MICAL1: variants seen among roughly 807,000 people sequenced by gnomAD.
MICAL1 encodes [F-actin]-monooxygenase MICAL1.
Under a neutral mutation model 131.8 loss-of-function variants are expected in MICAL1, and 95 were observed. The observed-to-expected ratio is 0.72, with a 90% CI of 0.61 to 0.86. MICAL1 has a LOEUF of 0.86. MICAL1 is among the 40% of genes least tolerant of loss of function. MICAL1 has a pLI of 0.00. For missense variants in MICAL1, 1,292 were observed against 1,380.6 expected (o/e 0.94, Z 1.02); for synonymous variants, 546 against 554.2 (o/e 0.99, Z 0.21).
In MICAL1 at chr6:109,449,874, C is replaced by T. The variant is rs1022169504; in HGVS notation, c.1308-91G>A. 8 of 1,585,512 alleles carry T rather than the reference C, an allele frequency of 5.0e-6. No individual in the cohort carries two copies. The African/African-American group carries it at 8.1e-5, about 16-fold the overall frequency. On this transcript the variant is annotated intron_variant, in intron 9 of 24. Transcript: ENST00000358807. ...GGAACTGCCAGGCCTTTTCTTCTGC[C>T]TATTCCTCCGTCTATTCACTCAGCA...
rs1489440035 is a variant in MICAL1 at position 109,445,868 on chromosome 6, A to G, written c.2582-6T>C. The G allele has an allele frequency of 1.3e-6, 2 of 1,596,974 alleles. No individual in the cohort carries two copies. Among genetic ancestry groups the G allele is most frequent in the Non-Finnish European group, 1.7e-6 (2 of 1,170,788 alleles). On this transcript the variant is annotated splice_region_variant and splice_polypyrimidine_tract_variant and intron_variant, in intron 19 of 24. Coordinates refer to ENST00000358807, the MANE Select transcript of MICAL1 (RefSeq NM_022765.4). Reference sequence around the variant, plus strand: ...CTTCTCCATGGCCACAAGAGCTGAGAAGAAGAACTGAGACGTTCTACTGCC... The same window carrying G: ...CTTCTCCATGGCCACAAGAGCTGAGGAGAAGAACTGAGACGTTCTACTGCC...
intron 11 of MICAL1, 72 bp from the exon 12 acceptor site, chr6:109,448,951 G>C (rs997287528): frequency 1.9e-5 from 30 of 1,578,920 alleles, no homozygotes; most frequent in African/African-American, 4.0e-5. Context: ...CCCAGCTGCT[G>C]CATGTGGGGG....
At chr6:109,464,254 TAATAA>T (rs1033030805) in intron 1 of MICAL1, 5 of 152,218 alleles carry the variant, frequency 3.3e-5, no homozygotes, top group African/African-American at 7.2e-5. Context: ...GAATTACATA[TAATAA>T]AATATAGCTT....
Position 109,450,099 on chromosome 6 carries a change from G to A in MICAL1, c.1192-14C>T. 4 of 1,610,964 alleles carry A rather than the reference G, an allele frequency of 2.5e-6. No individual in the cohort carries two copies. The highest frequency in any genetic ancestry group is 3.4e-6 in the Non-Finnish European group (4 of 1,178,090). ...GGGCCAGAAGGGCTGCAGTGTCAGA[G>A]GAATAGGAAGCAGCTCAGGGAGAAT... is the stretch of plus-strand genomic sequence containing the variant. On this transcript the variant is annotated splice_polypyrimidine_tract_variant and intron_variant, in intron 8 of 24. Coordinates refer to ENST00000358807, the MANE Select transcript of MICAL1 (RefSeq NM_022765.4).
In MICAL1 at chr6:109,447,414, C is replaced by G; in HGVS notation, c.2013G>C (p.Glu671Asp). ...CACCAGGCTCTGGGTCAGGTGGCAC[C>G]TCAGTACTTGGGGTCTCGGCCTCCA... is the stretch of plus-strand genomic sequence containing the variant. The part of the protein sequence containing the change: ...LEMEAETPST[E>D]VPPDPEPGVP... The change falls in exon 16 of 25, where the codon GAG (glutamate) becomes GAC (aspartate). Residue 671 changes from glutamate (E) to aspartate (D), a missense_variant. By Grantham distance (45) the Glu-to-Asp change is conservative. Transcript: ENST00000358807. 6.2e-7 allele frequency: 1 copy of G among 1,613,636 alleles called. No homozygotes were observed. The highest frequency in any genetic ancestry group is 8.5e-7 in the Non-Finnish European group (1 of 1,179,812).
chr6:109,449,401 G>T lies in MICAL1; in HGVS notation c.1515C>A (p.Thr505=), dbSNP rs527658443. The T allele has an allele frequency of 6.2e-7, 1 of 1,614,174 alleles. No homozygotes were observed. Among genetic ancestry groups the T allele is most frequent in the Admixed American group, 1.7e-5 (1 of 60,026 alleles). Residue 505 remains threonine, a splice_region_variant and synonymous_variant, in exon 11 of 25, where the codon ACC becomes ACA. Coordinates refer to ENST00000358807, the MANE Select transcript of MICAL1 (RefSeq NM_022765.4). ...CCCTTGGGAGGAAGGCCTGCTCACC[G>T]GTGGCTGGCATCCCTGTATCTGTCT... The part of the protein sequence containing the change: ...NDKTDTGMPA[T]GSAGTQEELL...
chr6:109,449,258 G>T, intron 11 of MICAL1, 142 bp downstream of exon 11: 2 of 892,312 alleles, frequency 2.2e-6, no homozygotes, highest in Non-Finnish European at 3.7e-6. Context: ...CCTCCAGCAG[G>T]CCCCCAACCA....
At chr6:109,464,299 T>G (rs1337366690) in intron 1 of MICAL1, 1 of 152,196 alleles carries the variant, frequency 6.6e-6, no homozygotes, top group Non-Finnish European at 1.5e-5. Context: ...TGTTTTTATC[T>G]TCTCTCAAAC....
At chr6:109,448,025 GACA>G in intron 13 of MICAL1, 62 bp from the exon 14 acceptor site, 1 of 678,440 alleles carries the variant, frequency 1.5e-6, no homozygotes, top group Non-Finnish European at 2.0e-6. Context: ...TCTCAGAACA[GACA>G]GTCACTCTCC....
At chr6:109,460,624 T>C (rs1302195617), upstream of MICAL1, among the ~76,000 whole-genome samples, 1 of 152,052 alleles carries the variant, frequency 6.6e-6, no homozygotes, top group South Asian at 2.1e-4. Context: ...TATCACAACA[T>C]TCCAGCTTCT....
chr6:109,455,849 C>T (rs1392875315), upstream of MICAL1: 17 of 985,536 alleles, frequency 1.7e-5, no homozygotes, highest in Non-Finnish European at 2.0e-5. This position sits in a 1 kb window ranked among gnomAD's most constrained non-coding sequence, Gnocchi z 4.7. Context: ...TGCGGGGCGG[C>T]CCGGGGCGTG....
intron 15 of MICAL1, 114 bp downstream of exon 15, chr6:109,447,567 G>A (rs1270174570): frequency 2.6e-6 from 4 of 1,544,254 alleles, no homozygotes; most frequent in Admixed American, 1.7e-5. Context: ...TGGATGGGGG[G>A]GTTACAGGAC....
upstream of MICAL1, among the ~76,000 whole-genome samples, chr6:109,460,517 T>A (rs1775858415): frequency 1.1e-5 from 1 of 88,218 alleles, no homozygotes; most frequent in Non-Finnish European, 2.0e-5. Flanking sequence ...GAAATATATA[T>A]ATAAATACAC....
At position 109,447,456 on chromosome 6, in the gene MICAL1, C is replaced by T; in HGVS notation, c.1987-16G>A. The T allele has an allele frequency of 6.2e-7, 1 of 1,607,158 alleles. No individual in the cohort carries two copies. Among genetic ancestry groups the T allele is most frequent in the Non-Finnish European group, 8.5e-7 (1 of 1,176,408 alleles). On this transcript the variant is annotated splice_polypyrimidine_tract_variant and intron_variant, in intron 15 of 24. Coordinates refer to ENST00000358807, the MANE Select transcript of MICAL1 (RefSeq NM_022765.4). ...CGGCCTCCATCTAAGGAGGTAAGTG[C>T]TCAGGCAGGGAGGGTAGAGGGGCAG... is the stretch of plus-strand genomic sequence containing the variant.
chr6:109,451,751 C>A (rs768919270), intron 6 of MICAL1, 51 bp from the exon 7 acceptor site: 54 of 1,605,448 alleles, frequency 3.4e-5, no homozygotes, highest in Admixed American at 5.0e-5. Context: ...TAATGCATCA[C>A]CTTCCCTAAA....
intron 7 of MICAL1, among the ~76,000 whole-genome samples, chr6:109,450,851 T>TA (rs1368824878): frequency 6.6e-6 from 1 of 152,188 alleles, no homozygotes; most frequent in African/African-American, 2.4e-5. Context: ...GTCCATCACT[T>TA]AGAGACAACA....
chr6:109,444,618 A>T, intron 24 of MICAL1, 107 bp downstream of exon 24: 1 of 1,356,490 alleles, frequency 7.4e-7, no homozygotes, highest in Non-Finnish European at 1.1e-6. Flanking sequence ...GAATTGTCTC[A>T]GAGGTACACA....
chr6:109,458,357 A>G (rs1453014238), upstream of MICAL1, among the ~76,000 whole-genome samples: 1 of 152,168 alleles, frequency 6.6e-6, no homozygotes, highest in Non-Finnish European at 1.5e-5. Context: ...GCACTTTGGG[A>G]GGCTGAGGCG....
chr6:109,444,902 A>G lies in MICAL1; in HGVS notation c.2975T>C (p.Met992Thr). ...NSLVAEEAEL[M>T]ITVQELNLEE... ...ACCATCCCCTTCCCCTTACGTGATC[A>G]TGAGCTCGGCCTCCTCAGCCACCAG... The change falls in exon 23 of 25, where the codon ATG becomes ACG. Residue 992 changes from methionine to threonine, a missense_variant. Physicochemically the swap from Met to Thr is moderately conservative, Grantham distance 81. Transcript: ENST00000358807. The G allele has an allele frequency of 1.2e-6, 2 of 1,614,144 alleles. No homozygotes were observed. The highest frequency in any genetic ancestry group is 1.7e-6 in the Non-Finnish European group (2 of 1,180,030).
Sources: gnomAD v4.1 joint callset for allele counts (sites outside exome capture counted in the v4.1 genomes callset) on GRCh38, gnomAD v4.1.1 for gene constraint, Gnocchi (gnomAD v3.1) non-coding constraint, MANE v1.5 for transcripts, NCBI Gene and HGNC (gene_info 2026-07-23, HGNC 2026-07-21) for gene names.